Variants in RAD54B observed in about 807,000 individuals in gnomAD.
RAD54B encodes the protein DNA repair and recombination protein RAD54B.
RAD54B carries 78 observed loss-of-function variants against 95.8 expected under a neutral mutation model. The observed-to-expected ratio is 0.81, with a 90% CI of 0.68 to 0.98. The LOEUF (loss-of-function observed/expected upper bound fraction) is 0.98. Ranked by LOEUF, RAD54B falls within the 50% of genes least tolerant of loss-of-function variation. The pLI is 0.00. For missense variants in RAD54B, 957 were observed against 1,056.6 expected (o/e 0.91, Z 1.31); for synonymous variants, 328 against 354.9 (o/e 0.92, Z 0.85).
chr8:94,455,644 T>C (rs567707319), intron 3 of RAD54B, among the ~76,000 whole-genome samples: 196 of 152,318 alleles, frequency 1.3e-3, no homozygotes, highest in African/African-American at 4.4e-3. Flanking sequence ...ACAACAGAAT[T>C]TATTCTCCCA....
chr8:94,417,480 TAA>T (rs34766725), intron 3 of RAD54B, among the ~76,000 whole-genome samples: 5,802 of 140,914 alleles, frequency 0.041, 232 homozygotes, highest in Admixed American at 0.12. Flanking sequence ...TGACTAAAAT[TAA>T]AAAAAAAAAA....
At chr8:94,469,685 A>G (rs6980687) in intron 1 of RAD54B, among the ~76,000 whole-genome samples, 63,119 of 152,070 alleles carry the variant, frequency 0.42, 13,326 homozygotes, top group Admixed American at 0.51. Flanking sequence ...AACCACATGA[A>G]GGCAGCAATC....
intron 3 of RAD54B, among the ~76,000 whole-genome samples, chr8:94,434,235 T>C (rs192024801): frequency 6.1e-4 from 92 of 151,828 alleles, no homozygotes; most frequent in African/African-American, 2.2e-3. Flanking sequence ...AAATAGAGAG[T>C]ATAAACATAG....
chr8:94,436,068 A>G (rs1485183129), intron 3 of RAD54B, among the ~76,000 whole-genome samples: 1 of 152,134 alleles, frequency 6.6e-6, no homozygotes, highest in Non-Finnish European at 1.5e-5. Flanking sequence ...ATAAAAAAGC[A>G]AGGTTCCATT....
chr8:94,442,850 TC>T (rs1344930988), intron 3 of RAD54B, among the ~76,000 whole-genome samples: 5 of 151,912 alleles, frequency 3.3e-5, no homozygotes, highest in Admixed American at 1.3e-4. Context: ...TCCTCCTCTT[TC>T]CCCCCAGAGC....
intron 2 of RAD54B, among the ~76,000 whole-genome samples, chr8:94,461,015 A>G (rs1812887028): frequency 1.3e-5 from 2 of 152,068 alleles, no homozygotes; most frequent in Admixed American, 1.3e-4. Context: ...TTTGCCATGT[A>G]AAGTAACACA....
At chr8:94,436,544 G>A in intron 3 of RAD54B, 3 of 1,550,232 alleles carry the variant, frequency 1.9e-6, no homozygotes, top group Non-Finnish European at 2.6e-6. Context: ...GAAATCTGGG[G>A]AATCATCTCC....
chr8:94,377,618 A>G (rs1488821315), intron 14 of RAD54B, among the ~76,000 whole-genome samples: 2 of 146,544 alleles, frequency 1.4e-5, no homozygotes, highest in Admixed American at 1.4e-4. Context: ...GACTTGAAAG[A>G]TTTTCCTAAA....
At chr8:94,406,023 CACACAT>C (rs966647424) in intron 5 of RAD54B, among the ~76,000 whole-genome samples, 10 of 147,520 alleles carry the variant, frequency 6.8e-5, no homozygotes, top group Admixed American at 1.4e-4. Flanking sequence ...CACACACACA[CACACAT>C]ATATATAAAA....
intron 3 of RAD54B, among the ~76,000 whole-genome samples, chr8:94,413,361 T>C (rs1326711671): frequency 6.6e-6 from 1 of 152,188 alleles, no homozygotes; most frequent in Non-Finnish European, 1.5e-5. Context: ...GACATTCCAA[T>C]GCATTGGAAG....
chr8:94,448,885 T>C (rs1014668061), intron 3 of RAD54B, among the ~76,000 whole-genome samples: 1 of 152,090 alleles, frequency 6.6e-6, no homozygotes, highest in Non-Finnish European at 1.5e-5. Flanking sequence ...GTTAATAAAA[T>C]TGTATTAGGT....
intron 3 of RAD54B, among the ~76,000 whole-genome samples, chr8:94,423,224 A>T (rs1030022134): frequency 6.6e-6 from 1 of 152,092 alleles, no homozygotes; most frequent in South Asian, 2.1e-4. Context: ...TCTACTAAAA[A>T]TACAAAAAAT....
chr8:94,455,997 G>A (rs984562188), intron 3 of RAD54B, among the ~76,000 whole-genome samples: 1 of 152,150 alleles, frequency 6.6e-6, no homozygotes, highest in Non-Finnish European at 1.5e-5. Flanking sequence ...CACAATTGAA[G>A]CCACTACATT....
chr8:94,463,910 AAAAG>A (rs1447900325), intron 2 of RAD54B, among the ~76,000 whole-genome samples: 13 of 149,514 alleles, frequency 8.7e-5, no homozygotes, highest in African/African-American at 1.5e-4. Context: ...AAAAAAAAAA[AAAAG>A]AAAGAAAGAA....
Position 94,454,356 on chromosome 8 carries a change from T to C in RAD54B, c.304+3912A>G, listed in dbSNP as rs183056520. 8.5e-5 allele frequency among the ~76,000 whole-genome samples: 13 copies of C among 152,316 alleles called. No individual in the cohort carries two copies. In the East Asian group the frequency reaches 2.5e-3, roughly 29 times the overall value. Reference sequence around the variant, plus strand: ...TCTGGAACTAGATAGAAGTGACAGTTGTACAACATTGTAAATATGCTAAAT... The same window carrying C: ...TCTGGAACTAGATAGAAGTGACAGTCGTACAACATTGTAAATATGCTAAAT... On this transcript the variant is annotated intron_variant, in intron 3 of 14. Coordinates refer to ENST00000336148, the MANE Select transcript of RAD54B (RefSeq NM_012415.3).
At chr8:94,443,666 G>A (rs1812453365) in intron 3 of RAD54B, among the ~76,000 whole-genome samples, 1 of 151,830 alleles carries the variant, frequency 6.6e-6, no homozygotes, top group South Asian at 2.1e-4. Flanking sequence ...TCACAAAAAT[G>A]TAACCATTTG....
chr8:94,444,139 A>G (rs1812464664), intron 3 of RAD54B, among the ~76,000 whole-genome samples: 1 of 152,174 alleles, frequency 6.6e-6, no homozygotes, highest in Non-Finnish European at 1.5e-5. Flanking sequence ...AAAGAACTCA[A>G]CTTCACAAGT....
At chr8:94,426,215 A>G (rs1188996735) in intron 3 of RAD54B, among the ~76,000 whole-genome samples, 3 of 151,828 alleles carry the variant, frequency 2.0e-5, no homozygotes, top group Non-Finnish European at 2.9e-5. Context: ...AGCCTCCCAA[A>G]GTGCTGGGAT....
At chr8:94,448,143 G>A (rs552894218) in intron 3 of RAD54B, among the ~76,000 whole-genome samples, 2 of 152,216 alleles carry the variant, frequency 1.3e-5, no homozygotes, top group African/African-American at 2.4e-5. Context: ...AGACAAGATA[G>A]GAAGACAGTT....
Sources: gnomAD v4.1 joint callset for allele counts (sites outside exome capture counted in the v4.1 genomes callset) on GRCh38, gnomAD v4.1.1 for gene constraint, MANE v1.5 for transcripts, NCBI Gene and HGNC (gene_info 2026-07-23, HGNC 2026-07-21) for gene names.